COL25A1: variants seen among roughly 807,000 people sequenced by gnomAD.
The protein encoded by COL25A1 is collagen type XXV alpha 1 chain, also known as collagen alpha-1(XXV) chain.
In COL25A1, 103 loss-of-function variants were observed where a neutral mutation model predicts 128.4. The ratio of observed to expected loss-of-function variants is 0.80; its 90% CI spans 0.68 to 0.94. COL25A1 has a LOEUF of 0.94. COL25A1 is among the 40% of genes least tolerant of loss of function. COL25A1 has a pLI of 0.00. For missense variants in COL25A1, 745 were observed against 840.0 expected (o/e 0.89, Z 1.40); for synonymous variants, 279 against 277.2 (o/e 1.01, Z -0.06).
Position 108,901,171 on chromosome 4 carries a change from C to A in COL25A1, c.782G>T (p.Gly261Val). 3 of 1,610,204 alleles carry A rather than the reference C, an allele frequency of 1.9e-6. No homozygotes were observed. Among genetic ancestry groups the A allele is most frequent in the Non-Finnish European group, 1.7e-6 (2 of 1,177,170 alleles). Reference protein sequence around the residue: ...PGIPGMNGQKGEPGLPGAVGQ... With the variant: ...PGIPGMNGQKVEPGLPGAVGQ... ...TACTGCTCCAGGCAACCCGGGCTCACCCTCAAAATAGAAAAATAGATACTA... is the reference window on the plus strand; with the variant it reads ...TACTGCTCCAGGCAACCCGGGCTCAACCTCAAAATAGAAAAATAGATACTA... The change falls in exon 14 of 38, where the codon GGT becomes GTT. Residue 261 changes from glycine to valine, a missense_variant and splice_region_variant. Physicochemically the swap from Gly to Val is moderately radical, Grantham distance 109 (BLOSUM62 -3). Around this residue, in one of 3 missense-constraint regions of COL25A1, gnomAD observed 39 missense variants for 73.3 expected, o/e 0.53. Coordinates refer to ENST00000399132, the MANE Select transcript of COL25A1 (RefSeq NM_198721.4).
intron 14 of COL25A1, 70 bp downstream of exon 14, chr4:108,901,049 T>G (rs1166941066): frequency 1.6e-6 from 2 of 1,230,462 alleles, no homozygotes; most frequent in Non-Finnish European, 2.4e-6. Context: ...AAAATTGTAT[T>G]AAATAATAGC....
chr4:109,275,131 G>A (rs1438375944), intron 3 of COL25A1, among the ~76,000 whole-genome samples: 1 of 152,152 alleles, frequency 6.6e-6, no homozygotes, highest in Non-Finnish European at 1.5e-5. Flanking sequence ...GAAAAGAACA[G>A]CAGCAATGAG....
chr4:109,092,484 C>G (rs1236821211), intron 3 of COL25A1, among the ~76,000 whole-genome samples: 2 of 152,084 alleles, frequency 1.3e-5, no homozygotes, highest in Non-Finnish European at 2.9e-5. Flanking sequence ...GCGAGATGCA[C>G]ACATGCGTGC....
At chr4:109,155,722 A>C (rs907807304) in intron 3 of COL25A1, among the ~76,000 whole-genome samples, 4 of 152,242 alleles carry the variant, frequency 2.6e-5, no homozygotes, top group Non-Finnish European at 5.9e-5. Flanking sequence ...TCCACGGACC[A>C]ACAGAGCAAT....
chr4:109,224,637 A>G (rs1415208642), intron 3 of COL25A1, among the ~76,000 whole-genome samples: 4 of 152,124 alleles, frequency 2.6e-5, no homozygotes, highest in Admixed American at 2.6e-4. Flanking sequence ...GCTGCAGTGT[A>G]CCTTAAAAAT....
intron 3 of COL25A1, among the ~76,000 whole-genome samples, chr4:109,091,229 A>G (rs1764864400): frequency 6.6e-6 from 1 of 152,100 alleles, no homozygotes; most frequent in South Asian, 2.1e-4. Context: ...CCCTAACTAC[A>G]GTTAGACTGG....
chr4:108,943,716 T>C (rs748824057), intron 8 of COL25A1, among the ~76,000 whole-genome samples: 1 of 152,006 alleles, frequency 6.6e-6, no homozygotes, highest in Non-Finnish European at 1.5e-5. Context: ...TTGTACTAAC[T>C]CCTCCTCCCA....
At chr4:109,025,241 T>C (rs1166412436) in intron 5 of COL25A1, among the ~76,000 whole-genome samples, 1 of 152,200 alleles carries the variant, frequency 6.6e-6, no homozygotes, top group Admixed American at 6.5e-5. Context: ...AATAAACATA[T>C]ATGAAGTACC....
At chr4:109,182,808 C>G (rs1406685681) in intron 3 of COL25A1, among the ~76,000 whole-genome samples, 2 of 151,956 alleles carry the variant, frequency 1.3e-5, no homozygotes, top group Non-Finnish European at 2.9e-5. Context: ...GGTGTCTACC[C>G]CAGCAGGTGT....
At chr4:108,878,077 T>C (rs1194838241) in intron 19 of COL25A1, among the ~76,000 whole-genome samples, 1 of 152,198 alleles carries the variant, frequency 6.6e-6, no homozygotes, top group African/African-American at 2.4e-5. Context: ...GGTGTTTCTC[T>C]ATAAACTTGC....
chr4:108,997,995 A>G (rs982352560), intron 6 of COL25A1, among the ~76,000 whole-genome samples: 20 of 152,352 alleles, frequency 1.3e-4, no homozygotes, highest in African/African-American at 4.8e-4. Context: ...AGAGATATTT[A>G]TGACAAACCC....
intron 37 of COL25A1, among the ~76,000 whole-genome samples, chr4:108,816,296 C>T (rs1378666625): frequency 6.6e-6 from 1 of 152,130 alleles, no homozygotes; most frequent in Non-Finnish European, 1.5e-5. Flanking sequence ...AATGGAGTTG[C>T]TAAGGTAAGA....
intron 19 of COL25A1, among the ~76,000 whole-genome samples, chr4:108,875,851 G>A (rs1441858388): frequency 1.3e-5 from 2 of 152,228 alleles, no homozygotes; most frequent in South Asian, 2.1e-4. Context: ...AGAAAATGTG[G>A]CACATATACA....
At chr4:109,060,701 C>CAACAAAA (rs1553923991) in intron 3 of COL25A1, among the ~76,000 whole-genome samples, 12 of 147,288 alleles carry the variant, frequency 8.1e-5, no homozygotes, top group African/African-American at 3.1e-4. Context: ...AAAAAAAAAA[C>CAACAAAA]AAAAAAACAT....
intron 32 of COL25A1, among the ~76,000 whole-genome samples, chr4:108,830,585 G>C (rs1474661640): frequency 6.6e-6 from 1 of 152,240 alleles, no homozygotes; most frequent in Non-Finnish European, 1.5e-5. Flanking sequence ...ATCCAGTTAA[G>C]ATAGTTAACA....
chr4:108,954,850 TA>T (rs1418736027), intron 8 of COL25A1, among the ~76,000 whole-genome samples: 1 of 151,860 alleles, frequency 6.6e-6, no homozygotes, highest in African/African-American at 2.4e-5. Flanking sequence ...TTTGAAACCA[TA>T]ACTAATCAAG....
At chr4:109,011,318 G>A (rs750299638) in intron 5 of COL25A1, among the ~76,000 whole-genome samples, 12 of 152,196 alleles carry the variant, frequency 7.9e-5, no homozygotes, top group African/African-American at 2.7e-4. Flanking sequence ...CCCAGGAACT[G>A]TCTCTCTTAG....
At chr4:108,893,638 A>G (rs970189386) in intron 16 of COL25A1, among the ~76,000 whole-genome samples, 1 of 152,166 alleles carries the variant, frequency 6.6e-6, no homozygotes, top group Non-Finnish European at 1.5e-5. Context: ...AAAAGGAAAA[A>G]AAAATCCTAT....
intron 19 of COL25A1, among the ~76,000 whole-genome samples, chr4:108,882,502 C>T (rs1740253466): frequency 6.6e-6 from 1 of 152,100 alleles, no homozygotes; most frequent in Admixed American, 6.5e-5. Flanking sequence ...TTGATTAATG[C>T]TGAGTATCAC....
Sources: allele counts gnomAD v4.1 joint callset (sites outside exome capture counted in the v4.1 genomes callset), GRCh38; gene constraint gnomAD v4.1.1; regional missense constraint gnomAD v4.1.1; transcripts MANE v1.5; gene names NCBI Gene and HGNC (gene_info 2026-07-23, HGNC 2026-07-21).